The following EXTL3 variants were observed in gnomAD, a reference collection of about 807,000 sequenced individuals.
EXTL3 encodes exostosin-like 3.
In EXTL3, 27 loss-of-function variants were observed where a neutral mutation model predicts 69.3. The observed-to-expected ratio is 0.39, with a 90% CI of 0.29 to 0.54. The LOEUF (loss-of-function observed/expected upper bound fraction) is 0.54. Ranked by LOEUF, EXTL3 falls within the 20% of genes least tolerant of loss-of-function variation. EXTL3 has a pLI of 0.69. For missense variants in EXTL3, 1,003 were observed against 1,231.8 expected, an observed-to-expected ratio of 0.81 and a Z score of 2.78; for synonymous variants, 511 against 499.4, an observed-to-expected ratio of 1.02 and a Z score of -0.31.
intron 5 of EXTL3, chr8:28,739,880 C>G (rs1168881879): frequency 6.6e-6 from 1 of 152,208 alleles, no homozygotes; most frequent in Admixed American, 6.5e-5. Flanking sequence ...GCAGCGTCTA[C>G]TCATACCTTG....
At chr8:28,619,315 A>AAAAAAAAAAC (rs1563426180), upstream of EXTL3, among the ~76,000 whole-genome samples, 1 of 126,472 alleles carries the variant, frequency 7.9e-6, no homozygotes, top group Non-Finnish European at 1.6e-5. Flanking sequence ...AAAAAAAAAA[A>AAAAAAAAAAC]CCCTGTGTGA....
intron 1 of EXTL3, among the ~76,000 whole-genome samples, chr8:28,629,799 C>A (rs938763371): frequency 1.3e-5 from 2 of 152,082 alleles, no homozygotes; most frequent in African/African-American, 4.8e-5. Context: ...TGGGGATTGC[C>A]TGGAGGTCTT....
At chr8:28,650,351 ATTTAC>A (rs1272785726) in intron 1 of EXTL3, among the ~76,000 whole-genome samples, 1 of 150,410 alleles carries the variant, frequency 6.6e-6, no homozygotes, top group Admixed American at 6.6e-5. Flanking sequence ...CCTTTATTGT[ATTTAC>A]TTATTATTAT....
chr8:28,706,291 C>T (rs1022102199), intron 1 of EXTL3, among the ~76,000 whole-genome samples: 4 of 152,126 alleles, frequency 2.6e-5, no homozygotes. Context: ...TTTTTTCTTA[C>T]AAATGGCAAA....
chr8:28,709,472 A>T (rs1374340067), intron 1 of EXTL3, among the ~76,000 whole-genome samples: 1 of 152,104 alleles, frequency 6.6e-6, no homozygotes, highest in African/African-American at 2.4e-5. Flanking sequence ...CAGATGGAGC[A>T]GTGACTCCCT....
chr8:28,673,365 G>A (rs1032340872), intron 1 of EXTL3, among the ~76,000 whole-genome samples: 1 of 152,184 alleles, frequency 6.6e-6, no homozygotes, highest in Admixed American at 6.5e-5. Context: ...CTGTAAAGTA[G>A]ATTGCCTTCC....
intron 1 of EXTL3, among the ~76,000 whole-genome samples, chr8:28,637,694 C>T (rs1307217912): frequency 2.0e-5 from 3 of 152,014 alleles, no homozygotes; most frequent in African/African-American, 7.2e-5. Context: ...TTCCTCCCTT[C>T]TCTAGGATCT....
chr8:28,620,304 G>A (rs1386633930), upstream of EXTL3, among the ~76,000 whole-genome samples: 1 of 152,150 alleles, frequency 6.6e-6, no homozygotes, highest in Non-Finnish European at 1.5e-5. Context: ...TCCTAACATT[G>A]TAGAACTTCT....
At chr8:28,703,120 C>A (rs562094387) in intron 1 of EXTL3, among the ~76,000 whole-genome samples, 1 of 152,216 alleles carries the variant, frequency 6.6e-6, no homozygotes, top group East Asian at 1.9e-4. Flanking sequence ...TGTGGGGAGC[C>A]GGAGGAATCA....
intron 1 of EXTL3, among the ~76,000 whole-genome samples, chr8:28,704,794 C>T (rs1164586130): frequency 2.6e-5 from 4 of 152,162 alleles, no homozygotes; most frequent in Non-Finnish European, 4.4e-5. Context: ...CCTCAACCTC[C>T]CAAGTAGCTG....
In EXTL3 at chr8:28,626,573, G is replaced by T. The variant is rs1218641158; in HGVS notation, c.-53+3763G>T. ...TGTAACCACCCTTTGCTTTTTGTAG[G>T]GTAGATTAATAGGCGCATTCTGTAA... On this transcript the variant is annotated intron_variant, in intron 1 of 6. Transcript: ENST00000523149. 5.9e-5 allele frequency among the ~76,000 whole-genome samples: 9 copies of T among 152,110 alleles called. No homozygotes were observed. In the East Asian group the frequency reaches 1.5e-3, roughly 26 times the overall value.
intron 6 of EXTL3, among the ~76,000 whole-genome samples, chr8:28,744,240 T>A (rs1801837588): frequency 6.6e-6 from 1 of 152,260 alleles, no homozygotes; most frequent in African/African-American, 2.4e-5. Context: ...GTAAGAGATT[T>A]ATACCTGATG....
At chr8:28,617,765 G>T (rs1563425632), upstream of EXTL3, among the ~76,000 whole-genome samples, 2 of 152,156 alleles carry the variant, frequency 1.3e-5, no homozygotes, top group Non-Finnish European at 2.9e-5. Flanking sequence ...GGGTGACAGA[G>T]CAAGACACTG....
intron 1 of EXTL3, among the ~76,000 whole-genome samples, chr8:28,673,030 G>T (rs1201781173): frequency 6.6e-6 from 1 of 152,330 alleles, no homozygotes; most frequent in East Asian, 1.9e-4. Context: ...CTTCCACCAC[G>T]ATTGTGAGGC....
chr8:28,654,694 G>A (rs1806978048), intron 1 of EXTL3, among the ~76,000 whole-genome samples: 1 of 152,016 alleles, frequency 6.6e-6, no homozygotes, highest in African/African-American at 2.4e-5. Context: ...TATCCACATT[G>A]CAGTCTATAT....
chr8:28,739,483 C>T (rs961658770), intron 5 of EXTL3, among the ~76,000 whole-genome samples: 1 of 152,116 alleles, frequency 6.6e-6, no homozygotes, highest in Admixed American at 6.5e-5. Context: ...CGCATCACCA[C>T]ACCTGGCTAA....
chr8:28,720,216 T>A (rs1395630344), intron 3 of EXTL3, among the ~76,000 whole-genome samples: 1 of 152,218 alleles, frequency 6.6e-6, no homozygotes, highest in Non-Finnish European at 1.5e-5. Context: ...CTCTCTCTGC[T>A]ATAGAAAAAG....
At chr8:28,612,771 T>G (rs946419582) in intron 2 of EXTL3, among the ~76,000 whole-genome samples, 1 of 152,104 alleles carries the variant, frequency 6.6e-6, no homozygotes, top group Non-Finnish European at 1.5e-5. Context: ...GAGGCTGGAG[T>G]GCAGTGGCAC....
intron 1 of EXTL3, among the ~76,000 whole-genome samples, chr8:28,694,117 G>T (rs1291947711): frequency 6.6e-6 from 1 of 152,218 alleles, no homozygotes; most frequent in East Asian, 1.9e-4. Context: ...GAGACTTGAA[G>T]TAACTGTTAT....
Sources: allele counts gnomAD v4.1 joint callset (sites outside exome capture counted in the v4.1 genomes callset), GRCh38; gene constraint gnomAD v4.1.1; transcripts MANE v1.5; gene names NCBI Gene and HGNC (gene_info 2026-07-23, HGNC 2026-07-21).